The following PDE10A variants were observed in gnomAD, a reference collection of about 807,000 sequenced individuals.
The protein encoded by PDE10A is phosphodiesterase 10A.
A neutral mutation model predicts 97.7 loss-of-function variants in PDE10A; 39 were observed. That is an observed-to-expected ratio of 0.40 (90% CI 0.31 to 0.52). The LOEUF (loss-of-function observed/expected upper bound fraction) is 0.52, where lower values mean the gene tolerates loss of function less well. Among genes scored for constraint, PDE10A ranks in the 20% least tolerant of loss-of-function variants. PDE10A has a pLI of 0.56. For synonymous variants in PDE10A, 371 were observed against 376.8 expected, an observed-to-expected ratio of 0.98 and a Z score of 0.18; for missense variants, 731 against 1,047.8, an observed-to-expected ratio of 0.70 and a Z score of 4.17.
intron 5 of PDE10A, among the ~76,000 whole-genome samples, chr6:165,444,889 A>G (rs1790728237): frequency 6.6e-6 from 1 of 152,156 alleles, no homozygotes; most frequent in South Asian, 2.1e-4. Flanking sequence ...TAAAAACTGT[A>G]TAATTCTTTC....
chr6:165,565,205 T>A lies in PDE10A; in HGVS notation c.866-21637A>T, dbSNP rs60966176. The stretch of plus-strand genomic sequence containing the variant: ...GACTGTCTATATAGAAAAATTTTTT[T>A]AAAAATCAACAAAAGCTTCTTGGAA... On this transcript the variant is annotated intron_variant, in intron 1 of 21. Coordinates refer to ENST00000539869, the MANE Select transcript of PDE10A (RefSeq NM_001385079.1). 6.2e-3 allele frequency among the ~76,000 whole-genome samples: 946 copies of A among 152,248 alleles called. 16 individuals carry two copies. The highest frequency in any genetic ancestry group is 0.02 in the African/African-American group (846 of 41,556).
intron 1 of PDE10A, among the ~76,000 whole-genome samples, chr6:165,618,907 C>T (rs984961459): frequency 6.6e-6 from 1 of 152,052 alleles, no homozygotes; most frequent in Admixed American, 6.5e-5. Context: ...GGGCTAGTCT[C>T]TCCTTCATAT....
At chr6:165,415,023 C>T (rs1458035664) in intron 12 of PDE10A, among the ~76,000 whole-genome samples, 1 of 152,154 alleles carries the variant, frequency 6.6e-6, no homozygotes, top group Non-Finnish European at 1.5e-5. Context: ...GTTATCTTCT[C>T]ATTGTTATGC....
intron 20 of PDE10A, 23 bp from the exon 21 acceptor site, chr6:165,336,234 G>C (rs200503076): frequency 1.3e-6 from 2 of 1,561,332 alleles, no homozygotes; most frequent in Non-Finnish European, 1.8e-6. Context: ...AAAAACCACG[G>C]ACAAGAAACA....
At chr6:165,612,514 G>A (rs982175982) in intron 1 of PDE10A, among the ~76,000 whole-genome samples, 2 of 151,944 alleles carry the variant, frequency 1.3e-5, no homozygotes, top group South Asian at 4.2e-4. Flanking sequence ...GATTACAAGC[G>A]CCCGCCACCA....
At chr6:165,559,756 C>A (rs904081234) in intron 1 of PDE10A, among the ~76,000 whole-genome samples, 1 of 152,186 alleles carries the variant, frequency 6.6e-6, no homozygotes, top group African/African-American at 2.4e-5. Flanking sequence ...TGGGAGATAA[C>A]TGAATCTTGG....
At chr6:165,570,696 T>C (rs2128344362) in intron 1 of PDE10A, among the ~76,000 whole-genome samples, 1 of 152,356 alleles carries the variant, frequency 6.6e-6, no homozygotes, top group Non-Finnish European at 1.5e-5. Flanking sequence ...TTCTTAAGCA[T>C]TGATGTAAAG....
At chr6:165,638,973 G>C (rs1789002862) in intron 1 of PDE10A, among the ~76,000 whole-genome samples, 2 of 144,868 alleles carry the variant, frequency 1.4e-5, no homozygotes, top group African/African-American at 5.0e-5. Context: ...AGTCTACAAA[G>C]TACCTTCACA....
At chr6:165,444,085 T>C (rs947199044) in intron 5 of PDE10A, among the ~76,000 whole-genome samples, 6 of 152,152 alleles carry the variant, frequency 3.9e-5, no homozygotes, top group Admixed American at 1.3e-4. Flanking sequence ...CTTCTCTTCA[T>C]GAACACATAT....
intron 2 of PDE10A, among the ~76,000 whole-genome samples, chr6:165,500,630 T>C (rs1247340096): frequency 1.3e-5 from 2 of 152,064 alleles, no homozygotes; most frequent in African/African-American, 2.4e-5. Context: ...GATGGCCTCA[T>C]GGGAAGGGAA....
Position 165,514,037 on chromosome 6 carries a change from G to A in PDE10A, c.994+29403C>T, listed in dbSNP as rs148263561. On this transcript the variant is annotated intron_variant, in intron 2 of 21. Coordinates refer to ENST00000539869, the MANE Select transcript of PDE10A (RefSeq NM_001385079.1). ...AACAACTGTCCTTCTACTCTGCTGA[G>A]AACTTTTCTCATGAAATTTTATTTT... is the stretch of plus-strand genomic sequence containing the variant. Among the ~76,000 whole-genome samples, 185 of 152,230 alleles carry A rather than the reference G, an allele frequency of 1.2e-3. 1 individual carries two copies. The highest frequency in any genetic ancestry group is 4.2e-3 in the African/African-American group (175 of 41,558).
intron 1 of PDE10A, among the ~76,000 whole-genome samples, chr6:165,908,315 A>T (rs1251265478): frequency 6.6e-6 from 1 of 152,232 alleles, no homozygotes; most frequent in Non-Finnish European, 1.5e-5. Flanking sequence ...TTAGAGAACG[A>T]GAAAGTGCCT....
rs188689459 is a variant in PDE10A, at chr6:165,465,257, T to G, written c.1024-14895A>C. 1.4e-4 allele frequency among the ~76,000 whole-genome samples: 22 copies of G among 152,364 alleles called. No homozygotes were observed. The East Asian group carries it at 3.9e-3, about 27-fold the overall frequency. ...TGACCCATGAAGGAAATCTGCGAGCTACACAGGTATAGGTGGAAAAGCTTG... is the reference window on the plus strand; with the variant it reads ...TGACCCATGAAGGAAATCTGCGAGCGACACAGGTATAGGTGGAAAAGCTTG... On this transcript the variant is annotated intron_variant, in intron 3 of 21. Transcript: ENST00000539869.
rs1474885829 is a variant in PDE10A, at chr6:165,327,674, T to C, written c.*5351A>G. On this transcript the variant is annotated 3_prime_UTR_variant, in exon 22 of 22. Transcript: ENST00000539869. ...GCAAAGTTAAGACCTCTTTAAATTA[T>C]TGCACTTGCGCATTTTACAAAGATT... The C allele has an allele frequency of 1.3e-5, 2 of 152,250 alleles. No homozygotes were observed. Among genetic ancestry groups the C allele is most frequent in the African/African-American group, 4.8e-5 (2 of 41,472 alleles). The allele number at this position is 152,250 out of a possible 1,614,324, so 9.4% of individuals were successfully genotyped here. A position where few individuals can be genotyped will look rare whatever the true frequency, so the allele number is the denominator to read the frequency against.
At chr6:165,422,404 CGCATACACACATAT>C (rs1478260633) in intron 10 of PDE10A, among the ~76,000 whole-genome samples, 6 of 144,136 alleles carry the variant, frequency 4.2e-5, no homozygotes, top group Admixed American at 1.4e-4. Context: ...TACACACATA[CGCATACACACATAT>C]GCATACACAC....
rs533916959 is a variant in PDE10A, at chr6:165,520,416, T to C, written c.994+23024A>G. 5.9e-5 allele frequency among the ~76,000 whole-genome samples: 9 copies of C among 152,212 alleles called. No homozygotes were observed. The South Asian group carries it at 1.9e-3, about 32-fold the overall frequency. The stretch of plus-strand genomic sequence containing the variant: ...CTTGACATTAGTAATATGTATAACA[T>C]CTGAGGAGGAGACTTGGAACTACTT... On this transcript the variant is annotated intron_variant, in intron 2 of 21. Coordinates refer to ENST00000539869, the MANE Select transcript of PDE10A (RefSeq NM_001385079.1).
At chr6:165,733,485 A>T (rs900056840) in intron 1 of PDE10A, among the ~76,000 whole-genome samples, 1 of 152,216 alleles carries the variant, frequency 6.6e-6, no homozygotes, top group Non-Finnish European at 1.5e-5. Context: ...AGTAGCTACC[A>T]CAGTATGCAA....
intron 1 of PDE10A, among the ~76,000 whole-genome samples, chr6:165,891,408 G>A (rs1233385143): frequency 6.6e-6 from 1 of 152,134 alleles, no homozygotes; most frequent in Non-Finnish European, 1.5e-5. Flanking sequence ...GTCGCCAGCT[G>A]TCCCCAAGTG....
At chr6:165,933,439 T>G (rs1034797023) in intron 1 of PDE10A, among the ~76,000 whole-genome samples, 7 of 152,226 alleles carry the variant, frequency 4.6e-5, no homozygotes, top group African/African-American at 1.7e-4. Flanking sequence ...ATTTTAGACT[T>G]GCTGAGGACA....
Sources: allele counts gnomAD v4.1 joint callset (sites outside exome capture counted in the v4.1 genomes callset), GRCh38; gene constraint gnomAD v4.1.1; transcripts MANE v1.5; gene names NCBI Gene and HGNC (gene_info 2026-07-23, HGNC 2026-07-21).